ADAM22: variants seen among roughly 807,000 people sequenced by gnomAD.
ADAM22 encodes disintegrin and metalloproteinase domain-containing protein 22.
In ADAM22, 65 loss-of-function variants were observed where a neutral mutation model predicts 144.6. The observed-to-expected ratio is 0.45, with a 90% CI of 0.37 to 0.55. The LOEUF (loss-of-function observed/expected upper bound fraction) is 0.55. Ranked by LOEUF, ADAM22 falls within the 20% of genes least tolerant of loss-of-function variation. The probability of loss-of-function intolerance (pLI) is 0.00; values close to 1 mark genes in which losing one functional copy is unlikely to be tolerated. For missense variants in ADAM22, 974 were observed against 1,184.9 expected (o/e 0.82, Z 2.61); for synonymous variants, 391 against 412.6 (o/e 0.95, Z 0.63).
intron 2 of ADAM22, among the ~76,000 whole-genome samples, chr7:87,950,744 C>T (rs540147544): frequency 6.7e-6 from 1 of 148,980 alleles, no homozygotes; most frequent in African/African-American, 2.5e-5. Context: ...AACTAGTTTA[C>T]AGTCCCACCA....
At chr7:88,013,792 T>G (rs1795978547) in intron 3 of ADAM22, among the ~76,000 whole-genome samples, 1 of 152,200 alleles carries the variant, frequency 6.6e-6, no homozygotes, top group Non-Finnish European at 1.5e-5. Context: ...ATGTTCATAC[T>G]CATAGGAAAA....
chr7:87,970,579 T>A (rs569182365), intron 2 of ADAM22, among the ~76,000 whole-genome samples: 1 of 152,320 alleles, frequency 6.6e-6, no homozygotes, highest in Non-Finnish European at 1.5e-5. Context: ...CTGCTAACTT[T>A]GCTTTAAAAA....
intron 2 of ADAM22, among the ~76,000 whole-genome samples, chr7:87,936,103 A>G (rs1562790890): frequency 6.6e-6 from 1 of 152,254 alleles, no homozygotes; most frequent in Admixed American, 6.5e-5. Flanking sequence ...TCAGTGCTTT[A>G]AGATATATCT....
chr7:88,108,737 TAAAGAA>T (rs1396279530), intron 5 of ADAM22, among the ~76,000 whole-genome samples: 1 of 148,640 alleles, frequency 6.7e-6, no homozygotes, highest in Non-Finnish European at 1.5e-5. Context: ...TCAAAAAAAA[TAAAGAA>T]AGAAAGAAAG....
At chr7:88,133,395 TAAA>T (rs1832274986) in intron 12 of ADAM22, among the ~76,000 whole-genome samples, 1 of 150,080 alleles carries the variant, frequency 6.7e-6, no homozygotes, top group African/African-American at 2.4e-5. Flanking sequence ...AATAAATAAA[TAAA>T]TAAAATTAAA....
chr7:88,008,917 G>GA (rs141508920), intron 3 of ADAM22, among the ~76,000 whole-genome samples: 2 of 146,314 alleles, frequency 1.4e-5, no homozygotes, highest in African/African-American at 2.6e-5. Context: ...ATAATAAAAA[G>GA]AAAAAAAAGA....
intron 3 of ADAM22, among the ~76,000 whole-genome samples, chr7:88,069,774 G>A (rs1238623323): frequency 6.6e-6 from 1 of 152,144 alleles, no homozygotes; most frequent in African/African-American, 2.4e-5. Context: ...CTGAAATACA[G>A]GGTGGATAGG....
intron 22 of ADAM22, among the ~76,000 whole-genome samples, chr7:88,162,254 G>A (rs1413164218): frequency 2.0e-5 from 3 of 151,972 alleles, no homozygotes; most frequent in Admixed American, 6.6e-5. Flanking sequence ...AATACCACAT[G>A]TTCTCACTTA....
chr7:88,040,817 T>C (rs577344820), intron 3 of ADAM22, among the ~76,000 whole-genome samples: 1 of 152,078 alleles, frequency 6.6e-6, no homozygotes, highest in South Asian at 2.1e-4. Flanking sequence ...GGCTTACATC[T>C]GAGGTTTGGG....
intron 29 of ADAM22, among the ~76,000 whole-genome samples, chr7:88,184,607 T>G (rs1397430051): frequency 1.3e-5 from 2 of 150,806 alleles, no homozygotes; most frequent in Admixed American, 6.6e-5. Flanking sequence ...TCTAACGCCA[T>G]TTTTTTTTGC....
rs953517606 is a variant in ADAM22, at chr7:87,974,728, T to G, written c.247-3608T>G. ...CTGAAACAACAACAACTTATTGTCT[T>G]ACAACTGTGGAGGTCAGAAGCCTGA... On this transcript the variant is annotated intron_variant, in intron 2 of 31. Transcript: ENST00000413139. Among the ~76,000 whole-genome samples, 6 of 152,210 alleles carry G rather than the reference T, an allele frequency of 3.9e-5. No homozygotes were observed. The East Asian group carries it at 1.2e-3, about 29-fold the overall frequency.
intron 25 of ADAM22, among the ~76,000 whole-genome samples, chr7:88,170,541 T>C (rs1314784010): frequency 2.0e-5 from 3 of 151,866 alleles, no homozygotes; most frequent in South Asian, 2.1e-4. Flanking sequence ...ACATGTTGAA[T>C]AGAAAAATAC....
Position 88,148,988 on chromosome 7 carries a change from G to A in ADAM22, c.1497G>A (p.Met499Ile), listed in dbSNP as rs761954920. 2.5e-6 allele frequency: 4 copies of A among 1,610,860 alleles called. No homozygotes were observed. The highest frequency in any genetic ancestry group is 2.5e-6 in the Non-Finnish European group (3 of 1,177,858). The change falls in exon 18 of 32, where the codon ATG (methionine) becomes ATA (isoleucine). Residue 499 changes from methionine to isoleucine, a missense_variant. Coordinates refer to ENST00000413139, the MANE Select transcript of ADAM22 (RefSeq NM_001324418.2). ...TTTGTTCATTTTAGTTTCAGCCTATGGGCACTGTGTGCCGAGAAGCAGTAA... is the reference window on the plus strand; with the variant it reads ...TTTGTTCATTTTAGTTTCAGCCTATAGGCACTGTGTGCCGAGAAGCAGTAA... ...LCCKKCKFQP[M>I]GTVCREAVND...
At chr7:87,990,691 C>A (rs1789607357) in intron 3 of ADAM22, among the ~76,000 whole-genome samples, 2 of 151,876 alleles carry the variant, frequency 1.3e-5, no homozygotes, top group African/African-American at 4.8e-5. Flanking sequence ...GAGATAGAGT[C>A]TTGCTCTGTA....
chr7:88,151,526 G>C (rs552045870), intron 20 of ADAM22, among the ~76,000 whole-genome samples: 1 of 152,220 alleles, frequency 6.6e-6, no homozygotes, highest in Non-Finnish European at 1.5e-5. Context: ...CTAGTTGGCA[G>C]TGCCTGTGGA....
In ADAM22 at chr7:88,115,230, A is replaced by G. The variant is rs550949689; in HGVS notation, c.537+583A>G. Among the ~76,000 whole-genome samples, 3 of 152,192 alleles carry G rather than the reference A, an allele frequency of 2.0e-5. No individual in the cohort carries two copies. In the East Asian group the frequency reaches 5.8e-4, roughly 29 times the overall value. ...GACTCCGTCTCCAAAACAAACAAACAAACAAACAAAAAATTTCTTTTGTTT... is the reference window on the plus strand; with the variant it reads ...GACTCCGTCTCCAAAACAAACAAACGAACAAACAAAAAATTTCTTTTGTTT... On this transcript the variant is annotated intron_variant, in intron 6 of 31. Coordinates refer to ENST00000413139, the MANE Select transcript of ADAM22 (RefSeq NM_001324418.2).
At chr7:88,160,599 AGTAATGGG>A (rs1238639071) in intron 22 of ADAM22, among the ~76,000 whole-genome samples, 2 of 152,138 alleles carry the variant, frequency 1.3e-5, no homozygotes. Context: ...GACAAAAACA[AGTAATGGG>A]GTACTGGGTA....
intron 3 of ADAM22, among the ~76,000 whole-genome samples, chr7:88,057,963 C>G (rs1456740309): frequency 6.6e-6 from 1 of 152,138 alleles, no homozygotes; most frequent in African/African-American, 2.4e-5. Context: ...ATTATGTGCT[C>G]ATGATAGAAA....
intron 3 of ADAM22, among the ~76,000 whole-genome samples, chr7:88,018,732 G>T (rs1019305666): frequency 7.9e-5 from 12 of 152,180 alleles, no homozygotes; most frequent in African/African-American, 2.4e-4. Context: ...GCACACAAAA[G>T]TGAGAACATG....
Sources: gnomAD v4.1 joint callset for allele counts (sites outside exome capture counted in the v4.1 genomes callset) on GRCh38, gnomAD v4.1.1 for gene constraint, MANE v1.5 for transcripts, NCBI Gene and HGNC (gene_info 2026-07-23, HGNC 2026-07-21) for gene names.